The following ATP9B variants were observed in gnomAD, a reference collection of about 807,000 sequenced individuals.
ATP9B encodes ATPase phospholipid transporting 9B, also known as probable phospholipid-transporting ATPase IIB.
ATP9B carries 110 observed loss-of-function variants against 146.1 expected under a neutral mutation model. The observed-to-expected ratio is 0.75, with a 90% confidence interval of 0.65 to 0.88. The LOEUF (loss-of-function observed/expected upper bound fraction) is 0.88. Among genes scored for constraint, ATP9B ranks in the 40% least tolerant of loss-of-function variants. The probability of loss-of-function intolerance (pLI) is 0.00; values close to 1 mark genes in which losing one functional copy is unlikely to be tolerated. For synonymous variants in ATP9B, 604 were observed against 569.7 expected, an observed-to-expected ratio of 1.06 and a Z score of -0.86; for missense variants, 1,499 against 1,496.4, an observed-to-expected ratio of 1.00 and a Z score of -0.03.
intron 11 of ATP9B, among the ~76,000 whole-genome samples, chr18:79,243,817 A>T (rs2095913048): frequency 6.6e-6 from 1 of 152,224 alleles, no homozygotes; most frequent in Admixed American, 6.5e-5. Flanking sequence ...GACTTTCTGG[A>T]ATCTCACATA....
chr18:79,187,199 TAC>T (rs2095315720), intron 8 of ATP9B, among the ~76,000 whole-genome samples: 1 of 152,234 alleles, frequency 6.6e-6, no homozygotes, highest in Non-Finnish European at 1.5e-5. Flanking sequence ...CACTTTCTGC[TAC>T]ACTGTCTAGG....
At position 79,126,438 on chromosome 18, in the gene ATP9B, C is replaced by T. The variant is rs182572095; in HGVS notation, c.667+63C>T. The T allele has an allele frequency of 7.3e-4, 807 of 1,108,616 alleles. 4 individuals carry two copies. The African/African-American group carries it at 0.011, about 16-fold the overall frequency. 68.7% of individuals were successfully genotyped at this position (1,108,616 alleles called of 1,614,324 possible). ...ACTGTAATTATCATTTTAGAGTTAACATAACAAATGTATGAAAACATTTTA... is the reference window on the plus strand; with the variant it reads ...ACTGTAATTATCATTTTAGAGTTAATATAACAAATGTATGAAAACATTTTA... On this transcript the variant is annotated intron_variant, in intron 5 of 29. Transcript: ENST00000426216.
rs563155773 is a variant in ATP9B, at chr18:79,190,903, T to TAA, written c.874-2278_874-2277dup. ...AAAAACAGGATTTGGGGGTTTTTTT[T>TAA]AAATATTTACTTAGATATTTACTAC... On this transcript the variant is annotated intron_variant, in intron 8 of 29. Transcript: ENST00000426216. 3.1e-3 allele frequency among the ~76,000 whole-genome samples: 466 copies of TAA among 152,204 alleles called. 2 individuals are homozygous for TAA. The highest frequency in any genetic ancestry group is 0.01 in the African/African-American group (432 of 41,508).
chr18:79,229,778 C>T (rs575952920), intron 11 of ATP9B, among the ~76,000 whole-genome samples: 6 of 152,258 alleles, frequency 3.9e-5, no homozygotes, highest in African/African-American at 1.4e-4. Flanking sequence ...GATAAAAAAT[C>T]ATAACAATTT....
intron 23 of ATP9B, among the ~76,000 whole-genome samples, chr18:79,346,710 C>T (rs2147521466): frequency 6.6e-6 from 1 of 152,302 alleles, no homozygotes; most frequent in East Asian, 1.9e-4. Context: ...CGCACGTCAG[C>T]ACGTGCTCAG....
chr18:79,129,877 G>T (rs1238132714), intron 5 of ATP9B, among the ~76,000 whole-genome samples: 4 of 152,050 alleles, frequency 2.6e-5, no homozygotes, highest in Admixed American at 1.3e-4. Context: ...CTGAGTAGCT[G>T]GAATTACAGG....
intron 9 of ATP9B, among the ~76,000 whole-genome samples, chr18:79,201,610 G>T (rs1334003783): frequency 6.6e-6 from 1 of 151,950 alleles, no homozygotes; most frequent in Non-Finnish European, 1.5e-5. Flanking sequence ...TTGCTGTGTT[G>T]CCCAGGCTGG....
intron 2 of ATP9B, among the ~76,000 whole-genome samples, chr18:79,106,985 A>G (rs534957655): frequency 6.6e-6 from 1 of 152,198 alleles, no homozygotes; most frequent in South Asian, 2.1e-4. Flanking sequence ...TTTTATATGT[A>G]TCTTTTCAAA....
intron 4 of ATP9B, among the ~76,000 whole-genome samples, chr18:79,121,884 A>G (rs374655817): frequency 2.2e-4 from 34 of 152,250 alleles, no homozygotes; most frequent in African/African-American, 8.2e-4. Context: ...CTCTAATACT[A>G]CTTCATTTGA....
At chr18:79,217,400 T>G (rs1466445319) in intron 11 of ATP9B, among the ~76,000 whole-genome samples, 4 of 152,148 alleles carry the variant, frequency 2.6e-5, no homozygotes, top group Non-Finnish European at 4.4e-5. Context: ...TAGCCAGGAT[T>G]GTCTCATTCT....
intron 12 of ATP9B, among the ~76,000 whole-genome samples, chr18:79,275,259 CCA>C (rs10552021): frequency 0.42 from 63,976 of 151,982 alleles, 13,810 homozygotes; most frequent in Middle Eastern, 0.54. Context: ...CATTTCTTGG[CCA>C]CCTTGCCCCT....
chr18:79,291,504 A>G (rs1054813292), intron 13 of ATP9B, among the ~76,000 whole-genome samples: 2 of 152,232 alleles, frequency 1.3e-5, no homozygotes, highest in African/African-American at 2.4e-5. Flanking sequence ...TTATGAAATT[A>G]AAAAATCATC....
At chr18:79,176,643 G>C (rs2095174919) in intron 7 of ATP9B, among the ~76,000 whole-genome samples, 170 bp from the exon 8 acceptor site, 1 of 152,160 alleles carries the variant, frequency 6.6e-6, no homozygotes, top group Non-Finnish European at 1.5e-5. Context: ...GTGAATCAAG[G>C]AACATTGTGT....
intron 5 of ATP9B, 50 bp downstream of exon 5, chr18:79,126,425 A>G (rs1465076378): frequency 1.6e-6 from 2 of 1,251,882 alleles, no homozygotes; most frequent in South Asian, 2.8e-5. Context: ...TGTAATTATC[A>G]TTTTAGAGTT....
At chr18:79,210,344 C>T (rs1192770845) in intron 10 of ATP9B, among the ~76,000 whole-genome samples, 1 of 152,232 alleles carries the variant, frequency 6.6e-6, no homozygotes, top group African/African-American at 2.4e-5. Flanking sequence ...AGGGCAATCC[C>T]TGGCCATGTG....
At chr18:79,234,647 C>T (rs1168364727) in intron 11 of ATP9B, among the ~76,000 whole-genome samples, 9 of 142,026 alleles carry the variant, frequency 6.3e-5, no homozygotes, top group South Asian at 2.2e-4. Context: ...CTGCTGTGGG[C>T]GTGCTTCGTG....
chr18:79,348,663 G>C (rs1022068445), intron 25 of ATP9B, among the ~76,000 whole-genome samples: 1 of 152,260 alleles, frequency 6.6e-6, no homozygotes, highest in African/African-American at 2.4e-5. Context: ...GGGCAGGAAT[G>C]GAATCTCATT....
chr18:79,096,580 C>A lies in ATP9B; in HGVS notation c.224C>A (p.Ala75Asp). The A allele has an allele frequency of 1.9e-6, 3 of 1,614,016 alleles. No individual in the cohort carries two copies. Among genetic ancestry groups the A allele is most frequent in the Non-Finnish European group, 2.5e-6 (3 of 1,179,984 alleles). The part of the protein sequence containing the change: ...EESDYHTLPR[A>D]RIMQRKRGLE... ...AGTGATTACCACACCTTACCACGAG[C>A]CAGGATAATGCAAAGGAAAAGAGGA... Residue 75 changes from alanine to aspartate, a missense_variant, in exon 2 of 30, where the codon GCC becomes GAC. Ala to Asp is a moderately radical substitution (Grantham distance 126). Coordinates refer to ENST00000426216, the MANE Select transcript of ATP9B (RefSeq NM_198531.5).
intron 28 of ATP9B, 105 bp from the exon 29 acceptor site, chr18:79,375,289 T>G: frequency 9.4e-7 from 1 of 1,063,874 alleles, no homozygotes; most frequent in Non-Finnish European, 1.4e-6. Context: ...GCACTGCCAT[T>G]TTATTGCTTT....
Sources: allele counts gnomAD v4.1 joint callset (sites outside exome capture counted in the v4.1 genomes callset), GRCh38; gene constraint gnomAD v4.1.1; transcripts MANE v1.5; gene names NCBI Gene and HGNC (gene_info 2026-07-23, HGNC 2026-07-21).